Variants in CTNNA2 observed in about 807,000 individuals in gnomAD.
CTNNA2 encodes catenin alpha-2.
A neutral mutation model predicts 101.0 loss-of-function variants in CTNNA2; 42 were observed. The observed-to-expected ratio is 0.42, with a 90% confidence interval of 0.32 to 0.54. CTNNA2 has a LOEUF of 0.54. CTNNA2 is among the 20% of genes least tolerant of loss of function. The probability of loss-of-function intolerance (pLI) is 0.14; values close to 1 mark genes in which losing one functional copy is unlikely to be tolerated. For synonymous variants in CTNNA2, 450 were observed against 456.4 expected (o/e 0.99, Z 0.18); for missense variants, 871 against 1,223.1 (o/e 0.71, Z 4.29).
intron 2 of CTNNA2, among the ~76,000 whole-genome samples, chr2:79,694,075 A>T (rs186514089): frequency 2.6e-5 from 4 of 152,098 alleles, no homozygotes; most frequent in Non-Finnish European, 5.9e-5. Flanking sequence ...TTATTCAAAG[A>T]CATGGACAGG....
chr2:80,272,885 T>C (rs1017573846), intron 7 of CTNNA2, among the ~76,000 whole-genome samples: 1 of 152,174 alleles, frequency 6.6e-6, no homozygotes, highest in Non-Finnish European at 1.5e-5. Flanking sequence ...AGGGTCAAAG[T>C]TTATCTTTCT....
In CTNNA2 at chr2:80,147,533, C is replaced by T. The variant is rs1202941409; in HGVS notation, c.1056+237736C>T. On this transcript the variant is annotated intron_variant, in intron 7 of 18. Coordinates refer to ENST00000402739, the MANE Select transcript of CTNNA2 (RefSeq NM_001282597.3). ...ACTCACCACCCACGATGAACTCCAA[C>T]AGGACTCCCTGTCAGATTTTCCAAC... Among the ~76,000 whole-genome samples, 4 of 152,332 alleles carry T rather than the reference C, an allele frequency of 2.6e-5. No homozygotes were observed. In the South Asian group the frequency reaches 8.3e-4, roughly 32 times the overall value.
In CTNNA2 at chr2:79,534,194, T is replaced by A. The variant is rs1672914333; in HGVS notation, c.-6+20987T>A. ...TTTATGTCATTTTAAAAAGTCATAG[T>A]TCCCAATTGTTATCTATATTTAATA... On this transcript the variant is annotated intron_variant, in intron 1 of 18. Coordinates refer to ENST00000402739, the MANE Select transcript of CTNNA2 (RefSeq NM_001282597.3). 2.0e-5 allele frequency among the ~76,000 whole-genome samples: 3 copies of A among 152,292 alleles called. No individual in the cohort carries two copies. The South Asian group carries it at 6.2e-4, about 32-fold the overall frequency.
intron 18 of CTNNA2, among the ~76,000 whole-genome samples, chr2:80,626,596 G>A (rs977061148): frequency 2.0e-5 from 3 of 151,980 alleles, no homozygotes; most frequent in Non-Finnish European, 4.4e-5. Context: ...ATAAAGAGAA[G>A]GGCAAATGAA....
At chr2:80,488,726 T>C (rs1046701675) in intron 9 of CTNNA2, among the ~76,000 whole-genome samples, 1 of 152,218 alleles carries the variant, frequency 6.6e-6, no homozygotes, top group Admixed American at 6.5e-5. Context: ...GATAACTAAA[T>C]AAATCCCACT....
At chr2:79,868,349 TC>T (rs1682307282) in intron 4 of CTNNA2, among the ~76,000 whole-genome samples, 1 of 152,182 alleles carries the variant, frequency 6.6e-6, no homozygotes, top group East Asian at 1.9e-4. Flanking sequence ...CCAAATAACT[TC>T]CTTTGCTTGC....
intron 7 of CTNNA2, among the ~76,000 whole-genome samples, chr2:79,965,121 A>G (rs1689942025): frequency 1.3e-5 from 2 of 152,124 alleles, no homozygotes; most frequent in African/African-American, 4.8e-5. Flanking sequence ...AGTCATTTTC[A>G]TTTGCCTGTC....
intron 7 of CTNNA2, among the ~76,000 whole-genome samples, chr2:79,930,353 A>G (rs545080645): frequency 1.3e-5 from 1 of 74,770 alleles, no homozygotes; most frequent in South Asian, 4.9e-4. Context: ...AGAAAGAAAG[A>G]AAGAATGAAC....
chr2:79,812,633 A>C (rs1677141401), intron 3 of CTNNA2, among the ~76,000 whole-genome samples: 1 of 152,164 alleles, frequency 6.6e-6, no homozygotes, highest in Non-Finnish European at 1.5e-5. Context: ...CTTCACATGC[A>C]TCTTCGGCTG....
chr2:80,551,243 T>C (rs1692530512), intron 11 of CTNNA2, among the ~76,000 whole-genome samples: 1 of 152,318 alleles, frequency 6.6e-6, no homozygotes, highest in East Asian at 1.9e-4. Context: ...ATGTGCTGTC[T>C]TCAGTCTTCG....
intron 1 of CTNNA2, chr2:79,574,010 GA>G: frequency 5.8e-6 from 1 of 172,184 alleles, no homozygotes; most frequent in Non-Finnish European, 1.3e-5. Context: ...CCCGGTCATT[GA>G]AAATTGTTTT....
intron 7 of CTNNA2, among the ~76,000 whole-genome samples, chr2:80,265,399 T>G (rs1230638785): frequency 2.6e-5 from 4 of 152,118 alleles, no homozygotes; most frequent in Non-Finnish European, 5.9e-5. Flanking sequence ...GGGAGGCTGT[T>G]GGTAAAACTA....
At position 79,951,527 on chromosome 2, in the gene CTNNA2, T is replaced by C. The variant is rs1452145262; in HGVS notation, c.1056+41730T>C. Among the ~76,000 whole-genome samples the C allele has an allele frequency of 3.9e-5, 6 of 151,986 alleles. No homozygotes were observed. The East Asian group carries it at 1.2e-3, about 29-fold the overall frequency. ...CTAAAAATACAAAAATAGCTGGGCA[T>C]GGTGGTGTGCACTTGTAATCCCAGC... On this transcript the variant is annotated intron_variant, in intron 7 of 18. Coordinates refer to ENST00000402739, the MANE Select transcript of CTNNA2 (RefSeq NM_001282597.3).
intron 7 of CTNNA2, chr2:80,299,356 CG>C (rs1676040417): frequency 6.6e-6 from 1 of 152,080 alleles, no homozygotes; most frequent in Non-Finnish European, 1.5e-5. Flanking sequence ...TTATTCCTGC[CG>C]TTTCCCCCCA....
intron 12 of CTNNA2, among the ~76,000 whole-genome samples, chr2:80,563,146 A>T (rs2149678442): frequency 6.6e-6 from 1 of 152,230 alleles, no homozygotes; most frequent in African/African-American, 2.4e-5. Flanking sequence ...CTTCAAGGAC[A>T]TCAGAGACCA....
intron 13 of CTNNA2, among the ~76,000 whole-genome samples, chr2:80,577,705 T>A (rs1054827898): frequency 4.0e-5 from 5 of 125,082 alleles, no homozygotes; most frequent in Admixed American, 2.3e-4. Context: ...TGTTGTTGTT[T>A]TGTTTTTACC....
chr2:80,372,368 T>C (rs995351749), intron 7 of CTNNA2, among the ~76,000 whole-genome samples: 1 of 118,036 alleles, frequency 8.5e-6, no homozygotes, highest in African/African-American at 3.7e-5. Flanking sequence ...TTTAGAGAAG[T>C]TTTTTTTTTT....
At chr2:79,565,267 C>A (rs114777587) in intron 1 of CTNNA2, among the ~76,000 whole-genome samples, 4,221 of 150,958 alleles carry the variant, frequency 0.028, 76 homozygotes, top group African/African-American at 0.039. Flanking sequence ...AAAAAGGAAA[C>A]AGGGACTCTC....
intron 7 of CTNNA2, among the ~76,000 whole-genome samples, chr2:80,022,600 C>CA: frequency 6.6e-6 from 1 of 151,652 alleles, no homozygotes; most frequent in African/African-American, 2.4e-5. Flanking sequence ...CTTATCTTTA[C>CA]AAAAATAAAG....
Sources: gnomAD v4.1 joint callset for allele counts (sites outside exome capture counted in the v4.1 genomes callset) on GRCh38, gnomAD v4.1.1 for gene constraint, MANE v1.5 for transcripts, NCBI Gene and HGNC (gene_info 2026-07-23, HGNC 2026-07-21) for gene names.